Variants in SPNS1 observed in about 807,000 individuals in gnomAD.
The protein encoded by SPNS1 is SPNS lysolipid transporter 1, lysophospholipid, also known as protein spinster homolog 1.
Under a neutral mutation model 50.3 loss-of-function variants are expected in SPNS1, and 22 were observed. That is an observed-to-expected ratio of 0.44 (90% CI 0.31 to 0.62). SPNS1 has a LOEUF of 0.62. Ranked by LOEUF, SPNS1 falls within the 20% of genes least tolerant of loss-of-function variation. The probability of loss-of-function intolerance (pLI) is 0.07; values close to 1 mark genes in which losing one functional copy is unlikely to be tolerated. For synonymous variants in SPNS1, 295 were observed against 317.4 expected, an observed-to-expected ratio of 0.93 and a Z score of 0.75; for missense variants, 576 against 728.6, an observed-to-expected ratio of 0.79 and a Z score of 2.41.
At chr16:28,979,878 C>G (rs936702897) in intron 5 of SPNS1, 1 of 222,950 alleles carries the variant, frequency 4.5e-6, no homozygotes, top group Non-Finnish European at 9.2e-6. Flanking sequence ...CAAAAATTAG[C>G]TGGGCGTGGT....
Position 28,984,512 on chromosome 16 carries a change from C to T in SPNS1, c.*213C>T, listed in dbSNP as rs1199377880. ...CAGGGGCAGCCCCAAGGGCTCGGTG[C>T]TATTTGTAACGGAATAAAATTTGTA... is the stretch of plus-strand genomic sequence containing the variant. On this transcript the variant is annotated 3_prime_UTR_variant, in exon 12 of 12. Transcript: ENST00000311008. 3.1e-6 allele frequency: 2 copies of T among 652,414 alleles called. No individual in the cohort carries two copies. The highest frequency in any genetic ancestry group is 2.4e-4 in the Middle Eastern group (1 of 4,136). 40.4% of individuals were successfully genotyped at this position (652,414 alleles called of 1,614,324 possible).
At chr16:28,975,642 C>T in intron 2 of SPNS1, 85 bp downstream of exon 2, 2 of 1,487,828 alleles carry the variant, frequency 1.3e-6, no homozygotes, top group South Asian at 2.3e-5. Context: ...TGTCTAGGGG[C>T]TCATTAATGG....
rs1215341016 is a variant in SPNS1, at chr16:28,974,844, G to A, written c.-308G>A. 1 of 1,535,642 alleles carries A rather than the reference G, an allele frequency of 6.5e-7. No homozygotes were observed. The highest frequency in any genetic ancestry group is 1.2e-5 in the South Asian group (1 of 84,020). On this transcript the variant is annotated 5_prime_UTR_variant, in exon 1 of 12. Coordinates refer to ENST00000311008, the MANE Select transcript of SPNS1 (RefSeq NM_032038.3). ...GCGCCCGGGCTGAGCGACAGCAAGT[G>A]CAGCGGGCTCCTACCCCGGGTGAGG...
At position 28,983,346 on chromosome 16, in the gene SPNS1, A is replaced by C; in HGVS notation, c.1320+56A>C. 7.1e-7 allele frequency: 1 copy of C among 1,403,462 alleles called. No individual in the cohort carries two copies. The highest frequency in any genetic ancestry group is 1.0e-6 in the Non-Finnish European group (1 of 988,626). 86.9% of individuals were successfully genotyped at this position (1,403,462 alleles called of 1,614,324 possible). A position where few individuals can be genotyped will look rare whatever the true frequency, so the allele number is the denominator to read the frequency against. On this transcript the variant is annotated intron_variant, in intron 10 of 11. Transcript: ENST00000311008. This position sits in a 1 kb window ranked among gnomAD's most constrained non-coding sequence, Gnocchi z 5.4. ...GGCTGGTGTCCTGAGCCTGGGCTGG[A>C]TCAGAAGGCCTGGCCCTAGTGAAGT...
At chr16:28,978,422 C>G (rs976826894) in intron 3 of SPNS1, 2 of 192,992 alleles carry the variant, frequency 1.0e-5, no homozygotes, top group African/African-American at 4.6e-5. Flanking sequence ...TCTGCCTGCA[C>G]TTCCTCACGC....
At chr16:28,979,636 G>T in intron 5 of SPNS1, 165 bp downstream of exon 5, 1 of 710,062 alleles carries the variant, frequency 1.4e-6, no homozygotes, top group Non-Finnish European at 2.4e-6. Context: ...CTGTAGCCTG[G>T]AACGCCTGAG....
chr16:28,975,386 G>A lies in SPNS1; in HGVS notation c.235G>A (p.Val79Met). 1 of 1,611,748 alleles carries A rather than the reference G, an allele frequency of 6.2e-7. No homozygotes were observed. The highest frequency in any genetic ancestry group is 8.5e-7 in the Non-Finnish European group (1 of 1,178,304). Residue 79 changes from valine to methionine, a missense_variant, in exon 1 of 12, where the codon GTG becomes ATG. By Grantham distance (21) the Val-to-Met change is conservative. Coordinates refer to ENST00000311008, the MANE Select transcript of SPNS1 (RefSeq NM_032038.3). ...NLLNYMDRFT[V>M]AGVLPDIEQF... ...CCTGAACTACATGGACCGCTTCACC[G>A]TGGCTGGTAGGGACTCACTTCTGGG...
Position 28,981,459 on chromosome 16 carries a change from C to CT in SPNS1, c.664-10dup, listed in dbSNP as rs1965548434. On this transcript the variant is annotated splice_polypyrimidine_tract_variant and intron_variant, in intron 5 of 11. Transcript: ENST00000311008. The surrounding 1 kb of genome is among the most constrained non-coding windows in gnomAD (Gnocchi z 4.2). ...CTCCCTGTGCCTATCCTGAAGCCCTCTGTCTCCCAGGTGACACCGGGTCTA... is the reference window on the plus strand; with the variant it reads ...CTCCCTGTGCCTATCCTGAAGCCCTCTTGTCTCCCAGGTGACACCGGGTCTA... 3.1e-6 allele frequency: 5 copies of CT among 1,613,906 alleles called. No homozygotes were observed. Among genetic ancestry groups the CT allele is most frequent in the Non-Finnish European group, 4.2e-6 (5 of 1,179,908 alleles).
In SPNS1 at chr16:28,979,318, T is replaced by A; in HGVS notation, c.596+12T>A. 1 of 1,614,020 alleles carries A rather than the reference T, an allele frequency of 6.2e-7. No homozygotes were observed. The highest frequency in any genetic ancestry group is 8.5e-7 in the Non-Finnish European group (1 of 1,179,972). On this transcript the variant is annotated intron_variant, in intron 4 of 11. Transcript: ENST00000311008. ...ATTCCGGTGGGCAGGTGAGTGGGCC[T>A]GGGGCCTGGGGGAAGGCAGAAGGGC...
chr16:28,984,466 C>T lies in SPNS1; in HGVS notation c.*167C>T, dbSNP rs1335922857. On this transcript the variant is annotated 3_prime_UTR_variant, in exon 12 of 12. Transcript: ENST00000311008. ...TAGCTCAGGGGAGGAGGTGGGGGTCCAGGAGGGGGATCCCTCTCCACAGGG... is the reference window on the plus strand; with the variant it reads ...TAGCTCAGGGGAGGAGGTGGGGGTCTAGGAGGGGGATCCCTCTCCACAGGG... The T allele has an allele frequency of 5.4e-6, 4 of 742,290 alleles. No individual in the cohort carries two copies. The highest frequency in any genetic ancestry group is 4.5e-5 in the South Asian group (3 of 67,382). 46.0% of individuals were successfully genotyped at this position (742,290 alleles called of 1,614,324 possible).
intron 9 of SPNS1, 44 bp downstream of exon 9, chr16:28,982,966 G>T: frequency 6.2e-7 from 1 of 1,606,458 alleles, no homozygotes; most frequent in South Asian, 1.1e-5. Context: ...AGGCTGATGA[G>T]AGCAGAGTTG....
intron 1 of SPNS1, 47 bp downstream of exon 1, chr16:28,975,439 A>G: frequency 6.2e-7 from 1 of 1,614,258 alleles, no homozygotes; most frequent in Non-Finnish European, 8.5e-7. Flanking sequence ...GAGGGGAGCC[A>G]GGGTCCCGAG....
In SPNS1 at chr16:28,983,804, C is replaced by T. The variant is rs368322414; in HGVS notation, c.1339C>T (p.Arg447Trp). 2.9e-5 allele frequency: 46 copies of T among 1,596,732 alleles called. No homozygotes were observed. Among genetic ancestry groups the T allele is most frequent in the South Asian group, 1.6e-4 (14 of 90,204 alleles). The change falls in exon 11 of 12, where the codon CGG (arginine) becomes TGG (tryptophan). Residue 447 changes from arginine (R) to tryptophan (W), a missense_variant. Physicochemically the swap from Arg to Trp is moderately radical, Grantham distance 101. Transcript: ENST00000311008. This position sits in a 1 kb window ranked among gnomAD's most constrained non-coding sequence, Gnocchi z 5.4. ...CCTGCAGATCTCTGACCGCCTGCGC[C>T]GGAACTGGCCCCCCTCCTTCTTGTC... Reference protein sequence around the residue: ...LIGLISDRLRRNWPPSFLSEF... With the variant: ...LIGLISDRLRWNWPPSFLSEF...
chr16:28,979,205 C>T lies in SPNS1; in HGVS notation c.495C>T (p.Ala165=), dbSNP rs750912169. ...GGGGCCTGGTGGGGGTCGGGGAGGC[C>T]AGTTATTCCACCATCGCGCCCACTC... ...LTRGLVGVGE[A]SYSTIAPTLI... is the part of the protein sequence containing the mutation. The change falls in exon 4 of 12, where the codon GCC becomes GCT. Residue 165 remains alanine (A), a synonymous_variant. Coordinates refer to ENST00000311008, the MANE Select transcript of SPNS1 (RefSeq NM_032038.3). 5.0e-6 allele frequency: 8 copies of T among 1,614,002 alleles called. No individual in the cohort carries two copies. In the African/African-American group the frequency reaches 9.3e-5, roughly 19 times the overall value.
chr16:28,974,897 C>G lies in SPNS1; in HGVS notation c.-255C>G. ...TGGCCTCCGCGTGGGATCGTGCCCT[C>G]TTCAGCCCGCTCCTGTCCCCGACAT... is the stretch of plus-strand genomic sequence containing the variant. On this transcript the variant is annotated 5_prime_UTR_variant, in exon 1 of 12. Transcript: ENST00000311008. 6.5e-7 allele frequency: 1 copy of G among 1,529,302 alleles called. No homozygotes were observed. Among genetic ancestry groups the G allele is most frequent in the Non-Finnish European group, 8.7e-7 (1 of 1,142,868 alleles). 94.7% of individuals were successfully genotyped at this position (1,529,302 alleles called of 1,614,324 possible).
At chr16:28,975,616 G>C (rs1965316089) in intron 2 of SPNS1, 59 bp downstream of exon 2, 3 of 1,594,430 alleles carry the variant, frequency 1.9e-6, no homozygotes, top group Admixed American at 3.3e-5. Flanking sequence ...GTCTCAAGTG[G>C]GGCCACGCGC....
chr16:28,980,036 AAAAAT>A, intron 5 of SPNS1: 1 of 151,262 alleles, frequency 6.6e-6, no homozygotes, highest in Non-Finnish European at 1.5e-5. Context: ...AAAAAAAAAA[AAAAAT>A]TTTGCCAGGC....
chr16:28,983,861 C>G lies in SPNS1; in HGVS notation c.1396C>G (p.Leu466Val). ...EFRALQFSLMLCAFVGALGGA... is the reference protein window; with the variant it reads ...EFRALQFSLMVCAFVGALGGA... ...CCGGGCTCTGCAGTTCTCGCTCATG[C>G]TCTGCGCGTTTGTTGGGGCACTGGG... Residue 466 changes from leucine to valine, a missense_variant, in exon 11 of 12, where the codon CTC becomes GTC. Leu to Val is a conservative substitution (Grantham distance 32, BLOSUM62 1). This residue lies in a region of SPNS1 where 428 missense variants were observed against 520.1 expected (regional missense o/e 0.82). Coordinates refer to ENST00000311008, the MANE Select transcript of SPNS1 (RefSeq NM_032038.3). The surrounding 1 kb of genome is among the most constrained non-coding windows in gnomAD (Gnocchi z 5.4). The G allele has an allele frequency of 6.2e-7, 1 of 1,604,462 alleles. No homozygotes were observed. Among genetic ancestry groups the G allele is most frequent in the Non-Finnish European group, 8.5e-7 (1 of 1,179,574 alleles).
Position 28,975,137 on chromosome 16 carries a change from C to A in SPNS1, c.-15C>A. 1 of 1,471,682 alleles carries A rather than the reference C, an allele frequency of 6.8e-7. No individual in the cohort carries two copies. The highest frequency in any genetic ancestry group is 9.0e-7 in the Non-Finnish European group (1 of 1,115,902). The allele number at this position is 1,471,682 out of a possible 1,614,324, so 91.2% of individuals were successfully genotyped here. On this transcript the variant is annotated 5_prime_UTR_variant, in exon 1 of 12. Coordinates refer to ENST00000311008, the MANE Select transcript of SPNS1 (RefSeq NM_032038.3). ...GGTGGGACCGGAGCGCGGGCGGGCG[C>A]GGCCCCCCGGGACCATGGCCGGGTC...
Sources: gnomAD v4.1 joint callset for allele counts on GRCh38, gnomAD v4.1.1 for gene constraint, gnomAD v4.1.1 regional missense constraint, Gnocchi (gnomAD v3.1) non-coding constraint, MANE v1.5 for transcripts, NCBI Gene and HGNC (gene_info 2026-07-23, HGNC 2026-07-21) for gene names.